Variants in MBD5 observed in about 807,000 individuals in gnomAD.
MBD5 encodes the protein methyl-CpG binding domain protein 5.
In MBD5, 13 loss-of-function variants were observed where a neutral mutation model predicts 117.3. The ratio of observed to expected loss-of-function variants is 0.11; its 90% CI spans 0.07 to 0.18. The LOEUF is 0.18. Among genes scored for constraint, MBD5 ranks in the 10% least tolerant of loss-of-function variants. The pLI is 1.00. For missense variants in MBD5, 1,879 were observed against 2,093.8 expected (o/e 0.90, Z 2.00); for synonymous variants, 727 against 766.4 (o/e 0.95, Z 0.85).
chr2:148,478,891 C>T (rs78840836), intron 8 of MBD5, among the ~76,000 whole-genome samples: 14 of 152,284 alleles, frequency 9.2e-5, no homozygotes, highest in African/African-American at 2.9e-4. Context: ...TCTTAAAAAT[C>T]TCAGCGACTG....
intron 11 of MBD5, among the ~76,000 whole-genome samples, chr2:148,495,715 T>C (rs1393742887): frequency 6.6e-6 from 1 of 152,222 alleles, no homozygotes; most frequent in Non-Finnish European, 1.5e-5. Context: ...TCAAAACTGC[T>C]CTTTGACTTT....
chr2:148,092,103 C>A (rs1325560543), intron 1 of MBD5, among the ~76,000 whole-genome samples: 1 of 152,036 alleles, frequency 6.6e-6, no homozygotes, highest in African/African-American at 2.4e-5. Flanking sequence ...AAACCAAAAC[C>A]ATGATGAGAT....
rs546859373 is a variant in MBD5 at position 148,507,759 on chromosome 2, C to CAAA, written c.5037-2285_5037-2283dup. Among the ~76,000 whole-genome samples the CAAA allele has an allele frequency of 1.8e-4, 12 of 67,714 alleles. 1 individual carries two copies. The highest frequency in any genetic ancestry group is 6.0e-4 in the African/African-American group (12 of 19,898). 44.4% of individuals were successfully genotyped at this position (67,714 alleles called of 152,430 possible). ...TGGGCGACAGAGCAAGACTCCGTCT[C>CAAA]AAAAAAAAAAAAAAAAAATTCTTGG... On this transcript the variant is annotated intron_variant, in intron 12 of 13. Coordinates refer to ENST00000642680, the MANE Select transcript of MBD5 (RefSeq NM_001378120.1).
At chr2:148,090,629 G>A (rs1695914593) in intron 1 of MBD5, among the ~76,000 whole-genome samples, 1 of 151,962 alleles carries the variant, frequency 6.6e-6, no homozygotes, top group African/African-American at 2.4e-5. Context: ...AAAAACATTT[G>A]ACAAAACACA....
At chr2:148,233,712 T>A (rs1700037631) in intron 3 of MBD5, among the ~76,000 whole-genome samples, 1 of 152,148 alleles carries the variant, frequency 6.6e-6, no homozygotes, top group South Asian at 2.1e-4. Flanking sequence ...CATATCTCTC[T>A]TGGACACATA....
chr2:148,445,774 T>G (rs1273210581), intron 4 of MBD5, among the ~76,000 whole-genome samples: 1 of 151,364 alleles, frequency 6.6e-6, no homozygotes, highest in Non-Finnish European at 1.5e-5. Flanking sequence ...GTGTTCCTAT[T>G]TCTCCACATC....
intron 3 of MBD5, among the ~76,000 whole-genome samples, chr2:148,314,690 A>G (rs1319221060): frequency 6.6e-6 from 1 of 152,062 alleles, no homozygotes; most frequent in East Asian, 1.9e-4. Context: ...GTATGGCCAT[A>G]GACAAGTGCT....
At chr2:148,407,042 G>A (rs1705100645) in intron 4 of MBD5, among the ~76,000 whole-genome samples, 1 of 152,148 alleles carries the variant, frequency 6.6e-6, no homozygotes, top group South Asian at 2.1e-4. Flanking sequence ...GCAGGGTCCA[G>A]ATACAGAATC....
chr2:148,079,515 G>A (rs981015844), intron 1 of MBD5, among the ~76,000 whole-genome samples: 6 of 151,874 alleles, frequency 4.0e-5, no homozygotes, highest in Admixed American at 2.6e-4. Context: ...GTCTCTGCCA[G>A]TCCACTGCAT....
intron 1 of MBD5, among the ~76,000 whole-genome samples, chr2:148,151,089 A>C (rs1167434574): frequency 6.8e-6 from 1 of 147,838 alleles, no homozygotes; most frequent in South Asian, 2.2e-4. Context: ...TGTCATAGAT[A>C]GCTCTTATTA....
chr2:148,269,457 T>G (rs1444498366), intron 3 of MBD5, among the ~76,000 whole-genome samples: 1 of 151,734 alleles, frequency 6.6e-6, no homozygotes, highest in African/African-American at 2.4e-5. Context: ...TCTAGAAAAT[T>G]TTTATTTTAC....
intron 1 of MBD5, among the ~76,000 whole-genome samples, chr2:148,088,355 AAG>A (rs1408043139): frequency 6.6e-6 from 1 of 152,172 alleles, no homozygotes; most frequent in African/African-American, 2.4e-5. Context: ...AAGAAATTAA[AAG>A]AACATCTGGG....
At chr2:148,459,183 A>G (rs950787757) in intron 5 of MBD5, among the ~76,000 whole-genome samples, 5 of 152,164 alleles carry the variant, frequency 3.3e-5, no homozygotes, top group Admixed American at 6.6e-5. Context: ...ACTTGACCTG[A>G]TATCACTTGA....
At chr2:148,033,686 A>G (rs989711474) in intron 1 of MBD5, among the ~76,000 whole-genome samples, 2 of 152,226 alleles carry the variant, frequency 1.3e-5, no homozygotes, top group Admixed American at 6.5e-5. Context: ...GTCTTCATTA[A>G]ATAAACAGCG....
chr2:148,246,026 G>T (rs1246902441), intron 3 of MBD5, among the ~76,000 whole-genome samples: 1 of 152,176 alleles, frequency 6.6e-6, no homozygotes, highest in Non-Finnish European at 1.5e-5. Flanking sequence ...GAGGTTTCAT[G>T]TAGTTATTAT....
chr2:148,166,935 A>C (rs1434933867), intron 1 of MBD5, among the ~76,000 whole-genome samples: 1 of 151,846 alleles, frequency 6.6e-6, no homozygotes, highest in Admixed American at 6.6e-5. Context: ...TTTATTAATG[A>C]GGATTCTTTA....
intron 4 of MBD5, among the ~76,000 whole-genome samples, chr2:148,450,208 C>A (rs974116967): frequency 2.0e-5 from 3 of 152,000 alleles, no homozygotes; most frequent in African/African-American, 7.2e-5. Flanking sequence ...CAGAACAATC[C>A]TATATGGTTA....
At chr2:148,150,851 T>G (rs1251099785) in intron 1 of MBD5, among the ~76,000 whole-genome samples, 1 of 152,174 alleles carries the variant, frequency 6.6e-6, no homozygotes, top group Non-Finnish European at 1.5e-5. Flanking sequence ...GCTGAGACAA[T>G]GGGGTGTTCT....
chr2:148,090,019 A>C (rs899997782), intron 1 of MBD5, among the ~76,000 whole-genome samples: 1 of 152,076 alleles, frequency 6.6e-6, no homozygotes, highest in African/African-American at 2.4e-5. Flanking sequence ...AAACAATACC[A>C]CAGATATACA....
Sources: gnomAD v4.1 joint callset for allele counts (sites outside exome capture counted in the v4.1 genomes callset) on GRCh38, gnomAD v4.1.1 for gene constraint, MANE v1.5 for transcripts, NCBI Gene and HGNC (gene_info 2026-07-23, HGNC 2026-07-21) for gene names.